SEPTIN2: variants seen among roughly 807,000 people sequenced by gnomAD.
The protein encoded by SEPTIN2 is septin 2, also known as septin-2.
Under a neutral mutation model 46.5 loss-of-function variants are expected in SEPTIN2, and 34 were observed. That is an observed-to-expected ratio of 0.73 (90% CI 0.56 to 0.97). The LOEUF (loss-of-function observed/expected upper bound fraction) is 0.97. SEPTIN2 is among the 50% of genes least tolerant of loss of function. SEPTIN2 has a pLI of 0.00. For synonymous variants in SEPTIN2, 175 were observed against 153.4 expected (o/e 1.14, Z -1.04); for missense variants, 347 against 448.4 (o/e 0.77, Z 2.04).
In SEPTIN2 at chr2:241,352,222, A is replaced by G. The variant is rs1268895105; in HGVS notation, c.*285A>G. 1 of 152,656 alleles carries G rather than the reference A, an allele frequency of 6.6e-6. No homozygotes were observed. Among genetic ancestry groups the G allele is most frequent in the African/African-American group, 2.4e-5 (1 of 41,450 alleles). 9.5% of individuals were successfully genotyped at this position (152,656 alleles called of 1,614,324 possible). On this transcript the variant is annotated 3_prime_UTR_variant, in exon 13 of 13. Transcript: ENST00000391971. The stretch of plus-strand genomic sequence containing the variant: ...CCACTAATGTTAGAATTGATTTCCA[A>G]GAATCGGCATGTATACTTAATACTG...
At chr2:241,345,686 A>C (rs2081923170) in intron 9 of SEPTIN2, among the ~76,000 whole-genome samples, 1 of 152,198 alleles carries the variant, frequency 6.6e-6, no homozygotes, top group African/African-American at 2.4e-5. Context: ...TTAGTCCTTC[A>C]CTTTATGGTC....
chr2:241,330,518 G>A (rs2078824593), intron 3 of SEPTIN2, among the ~76,000 whole-genome samples: 1 of 152,176 alleles, frequency 6.6e-6, no homozygotes, highest in Non-Finnish European at 1.5e-5. Context: ...GCTCATAACA[G>A]GCAGTGAAGA....
intron 9 of SEPTIN2, among the ~76,000 whole-genome samples, chr2:241,344,321 G>T (rs188121792): frequency 6.6e-6 from 1 of 152,150 alleles, no homozygotes; most frequent in Non-Finnish European, 1.5e-5. Flanking sequence ...GAGACTCATT[G>T]TATGGCCCTG....
chr2:241,348,569 C>T (rs1369879013), intron 11 of SEPTIN2, among the ~76,000 whole-genome samples: 2 of 152,056 alleles, frequency 1.3e-5, no homozygotes, highest in Non-Finnish European at 2.9e-5. Context: ...GTTTTGTTTA[C>T]ATCCGTAGAT....
intron 2 of SEPTIN2, 144 bp downstream of exon 2, chr2:241,324,385 TG>T: frequency 1.3e-5 from 8 of 621,764 alleles, no homozygotes; most frequent in Admixed American, 4.0e-5. Context: ...CTAATTTAGT[TG>T]TCTTTTTTTT....
intron 7 of SEPTIN2, among the ~76,000 whole-genome samples, chr2:241,338,713 TATATA>T (rs67588476): frequency 0.19 from 21,943 of 113,810 alleles, 2,449 homozygotes; most frequent in Middle Eastern, 0.32. Context: ...TTATATTATT[TATATA>T]ATATATTATA....
At chr2:241,323,660 G>C (rs149011382) in intron 1 of SEPTIN2, among the ~76,000 whole-genome samples, 9 of 152,140 alleles carry the variant, frequency 5.9e-5, no homozygotes, top group Admixed American at 3.9e-4. Context: ...TAATCAAAAG[G>C]CTCCTGATTC....
At chr2:241,335,905 T>A in intron 4 of SEPTIN2, 70 bp from the exon 5 acceptor site, 2 of 1,606,320 alleles carry the variant, frequency 1.2e-6, no homozygotes, top group Non-Finnish European at 1.7e-6. Flanking sequence ...TGAAGTCACC[T>A]GTCGTAAGAA....
intron 1 of SEPTIN2, among the ~76,000 whole-genome samples, chr2:241,321,669 A>C (rs2077153619): frequency 6.6e-6 from 1 of 151,674 alleles, no homozygotes; most frequent in South Asian, 2.1e-4. Context: ...GATATTCTTG[A>C]ATTTTGTCCC....
At chr2:241,318,600 T>C (rs1371084776) in intron 1 of SEPTIN2, among the ~76,000 whole-genome samples, 1 of 152,226 alleles carries the variant, frequency 6.6e-6, no homozygotes, top group Non-Finnish European at 1.5e-5. Flanking sequence ...TTCTATTCCT[T>C]GATATTTGTT....
intron 8 of SEPTIN2, 64 bp from the exon 9 acceptor site, chr2:241,343,688 G>C: frequency 6.3e-7 from 1 of 1,584,472 alleles, no homozygotes; most frequent in Non-Finnish European, 8.6e-7. Context: ...TAATGTTCTC[G>C]TGTTGCCAGT....
intron 7 of SEPTIN2, among the ~76,000 whole-genome samples, chr2:241,340,686 C>T (rs1285735014): frequency 2.0e-5 from 3 of 152,080 alleles, no homozygotes; most frequent in Non-Finnish European, 4.4e-5. Context: ...ATCCTGTATG[C>T]GAAACATTTA....
intron 7 of SEPTIN2, among the ~76,000 whole-genome samples, chr2:241,339,750 A>T (rs1057017662): frequency 6.6e-6 from 1 of 152,054 alleles, no homozygotes; most frequent in Non-Finnish European, 1.5e-5. Context: ...CTTCCCTCAG[A>T]TACCTGTGTG....
chr2:241,338,885 A>AATATATATT (rs1285963014), intron 7 of SEPTIN2, among the ~76,000 whole-genome samples: 2 of 89,912 alleles, frequency 2.2e-5, no homozygotes, highest in South Asian at 5.0e-4. Flanking sequence ...ATATATCTAT[A>AATATATATT]ATATATATTA....
rs764758419 is a variant in SEPTIN2 at position 241,335,224 on chromosome 2, C to T, written c.217+12C>T. ...ACCTGGAGCAGCAGGTAAAAACATTCTTATGTTACTGTAAGTGTAATTCTA... is the reference window on the plus strand; with the variant it reads ...ACCTGGAGCAGCAGGTAAAAACATTTTTATGTTACTGTAAGTGTAATTCTA... On this transcript the variant is annotated intron_variant, in intron 4 of 12. Coordinates refer to ENST00000391971, the MANE Select transcript of SEPTIN2 (RefSeq NM_004404.5). The T allele has an allele frequency of 1.2e-6, 2 of 1,610,226 alleles. No individual in the cohort carries two copies. The highest frequency in any genetic ancestry group is 1.7e-5 in the Admixed American group (1 of 59,768).
chr2:241,344,398 CT>C (rs2081697776), intron 9 of SEPTIN2, among the ~76,000 whole-genome samples: 1 of 152,152 alleles, frequency 6.6e-6, no homozygotes, highest in Non-Finnish European at 1.5e-5. Flanking sequence ...AAATAGTCTT[CT>C]TTAAAAATGA....
chr2:241,337,737 A>G lies in SEPTIN2; in HGVS notation c.541A>G (p.Ile181Val). ...IHNKVNIVPV[I>V]AKADTLTLKE... is the part of the protein sequence containing the mutation. ...CAACAAGGTGAATATTGTGCCTGTC[A>G]TTGCAAAAGCTGACACTCTCACCCT... Residue 181 changes from isoleucine (I) to valine (V), a missense_variant, in exon 7 of 13, where the codon ATT becomes GTT. By Grantham distance (29) the Ile-to-Val change is conservative. Transcript: ENST00000391971. 1 of 1,614,156 alleles carries G rather than the reference A, an allele frequency of 6.2e-7. No homozygotes were observed. The highest frequency in any genetic ancestry group is 1.1e-5 in the South Asian group (1 of 91,086).
chr2:241,344,025 C>T (rs778149351), intron 9 of SEPTIN2, 128 bp downstream of exon 9: 51 of 1,170,588 alleles, frequency 4.4e-5, no homozygotes, highest in Non-Finnish European at 5.6e-5. Context: ...GTGTTTCTCA[C>T]ATCGCAGAAG....
intron 7 of SEPTIN2, among the ~76,000 whole-genome samples, 181 bp downstream of exon 7, chr2:241,337,971 C>A (rs2080315949): frequency 6.6e-6 from 1 of 152,028 alleles, no homozygotes; most frequent in East Asian, 1.9e-4. Context: ...TTAATTTTTG[C>A]CTTCATGAAG....
Sources: allele counts gnomAD v4.1 joint callset (sites outside exome capture counted in the v4.1 genomes callset), GRCh38; gene constraint gnomAD v4.1.1; transcripts MANE v1.5; gene names NCBI Gene and HGNC (gene_info 2026-07-23, HGNC 2026-07-21).